The following RARB variants were observed in gnomAD, a reference collection of about 807,000 sequenced individuals.
The protein encoded by RARB is retinoic acid receptor beta.
A neutral mutation model predicts 51.9 loss-of-function variants in RARB; 17 were observed. That is an observed-to-expected ratio of 0.33 (90% CI 0.22 to 0.49). The LOEUF is 0.49. RARB is among the 20% of genes least tolerant of loss of function. The probability of loss-of-function intolerance (pLI) is 0.99; values close to 1 mark genes in which losing one functional copy is unlikely to be tolerated. For missense variants in RARB, 369 were observed against 550.8 expected, an observed-to-expected ratio of 0.67 and a Z score of 3.30; for synonymous variants, 215 against 195.4, an observed-to-expected ratio of 1.10 and a Z score of -0.84.
At chr3:25,047,339 C>T (rs1253284604) in intron 2 of RARB, among the ~76,000 whole-genome samples, 1 of 152,038 alleles carries the variant, frequency 6.6e-6, no homozygotes, top group Non-Finnish European at 1.5e-5. Context: ...TCCTAAGAGG[C>T]CCTTTTGGAA....
intron 2 of RARB, among the ~76,000 whole-genome samples, chr3:24,973,008 T>G (rs532813328): frequency 6.6e-6 from 1 of 152,090 alleles, no homozygotes; most frequent in Non-Finnish European, 1.5e-5. Context: ...TTTTTTGCTT[T>G]TGTTGCCTGT....
chr3:25,362,096 A>G (rs996437717), intron 5 of RARB, among the ~76,000 whole-genome samples: 1 of 152,110 alleles, frequency 6.6e-6, no homozygotes, highest in Non-Finnish European at 1.5e-5. Context: ...CCCTTCCTCT[A>G]GGTGCTGTGT....
chr3:25,177,852 A>T (rs1242475663), intron 5 of RARB, among the ~76,000 whole-genome samples: 2 of 152,158 alleles, frequency 1.3e-5, no homozygotes, highest in Non-Finnish European at 2.9e-5. Context: ...TCAACTATAA[A>T]ATATTTTTAC....
rs190096501 is a variant in RARB at position 25,596,273 on chromosome 3, A to G, written c.1151-147A>G. On this transcript the variant is annotated intron_variant, in intron 7 of 7. Transcript: ENST00000330688. ...AGTAATCGATAGATCTTTTTCAACA[A>G]AAAGCCACCTGATATCTACATTTCA... 8.3e-4 allele frequency: 517 copies of G among 626,280 alleles called. 3 individuals carry two copies. Among genetic ancestry groups the G allele is most frequent in the South Asian group, 1.8e-3 (70 of 38,032 alleles). The allele number at this position is 626,280 out of a possible 1,614,324, so 38.8% of individuals were successfully genotyped here.
intron 3 of RARB, among the ~76,000 whole-genome samples, chr3:25,509,656 G>C (rs1697791599): frequency 6.6e-6 from 1 of 152,128 alleles, no homozygotes; most frequent in Non-Finnish European, 1.5e-5. Flanking sequence ...CAGAGAATGG[G>C]AGAGTATCCT....
intron 1 of RARB, among the ~76,000 whole-genome samples, chr3:24,832,358 A>G (rs563843869): frequency 4.7e-4 from 72 of 152,178 alleles, no homozygotes; most frequent in African/African-American, 1.4e-3. Context: ...AATAGATTCC[A>G]TGTGAGAATA....
chr3:24,941,316 G>T (rs556883987), intron 2 of RARB, among the ~76,000 whole-genome samples: 1 of 151,894 alleles, frequency 6.6e-6, no homozygotes, highest in South Asian at 2.1e-4. Context: ...TTCAAAAAAC[G>T]TAATTCTTAA....
intron 2 of RARB, among the ~76,000 whole-genome samples, chr3:24,899,955 C>T (rs1471446062): frequency 5.3e-5 from 8 of 151,796 alleles, no homozygotes; most frequent in African/African-American, 1.9e-4. Flanking sequence ...GTGATTACAT[C>T]ATTGGCACAT....
intron 1 of RARB, among the ~76,000 whole-genome samples, chr3:25,443,706 C>G (rs1157484111): frequency 6.6e-6 from 1 of 151,732 alleles, no homozygotes; most frequent in Non-Finnish European, 1.5e-5. Flanking sequence ...CTAAGGTGGG[C>G]AGATCACCTG....
In RARB at chr3:25,149,967, C is replaced by T. The variant is rs532134994; in HGVS notation, c.-280+17759C>T. 3.3e-5 allele frequency among the ~76,000 whole-genome samples: 5 copies of T among 152,070 alleles called. No homozygotes were observed. The South Asian group carries it at 6.3e-4, about 19-fold the overall frequency. On this transcript the variant is annotated intron_variant, in intron 4 of 11. Transcript: ENST00000383772. ...CTGTAATCCCAGCACTTTGAGAGGC[C>T]GAGGTAGGTGGATCACCTGAGGTCA... is the stretch of plus-strand genomic sequence containing the variant.
intron 5 of RARB, among the ~76,000 whole-genome samples, chr3:25,187,582 TA>T (rs1292988526): frequency 6.6e-6 from 1 of 152,086 alleles, no homozygotes; most frequent in Non-Finnish European, 1.5e-5. Flanking sequence ...GGCAAATGGC[TA>T]ATAAAAATAC....
intron 2 of RARB, among the ~76,000 whole-genome samples, chr3:24,874,501 C>G (rs746622798): frequency 2.6e-4 from 39 of 151,964 alleles, no homozygotes; most frequent in African/African-American, 9.2e-4. Flanking sequence ...GATAAGTTTA[C>G]GTACAGCTTG....
At chr3:25,008,689 G>A (rs769068042) in intron 2 of RARB, among the ~76,000 whole-genome samples, 2 of 152,002 alleles carry the variant, frequency 1.3e-5, no homozygotes, top group Non-Finnish European at 2.9e-5. Flanking sequence ...TCAAGACCTT[G>A]TCAGCAAAAA....
chr3:25,073,000 A>G (rs536822352), intron 3 of RARB, among the ~76,000 whole-genome samples: 1 of 152,142 alleles, frequency 6.6e-6, no homozygotes, highest in African/African-American at 2.4e-5. Flanking sequence ...GCCCGGCCGG[A>G]GGGTTTCATT....
intron 2 of RARB, among the ~76,000 whole-genome samples, chr3:25,466,674 C>G (rs138478474): frequency 1.3e-5 from 2 of 152,286 alleles, no homozygotes; most frequent in East Asian, 3.9e-4. Context: ...CTCCATGGAG[C>G]CTCCCTGGAT....
intron 5 of RARB, among the ~76,000 whole-genome samples, chr3:25,279,858 C>G (rs1466580336): frequency 1.3e-5 from 2 of 151,914 alleles, no homozygotes; most frequent in Non-Finnish European, 2.9e-5. Flanking sequence ...GTCAGTGGTA[C>G]TTTAGGAAAG....
At chr3:25,293,963 A>G (rs982567944) in intron 5 of RARB, among the ~76,000 whole-genome samples, 4 of 152,134 alleles carry the variant, frequency 2.6e-5, no homozygotes, top group African/African-American at 4.8e-5. Context: ...ATTTGTTCTA[A>G]GGGCTTTGTT....
chr3:24,972,603 C>T (rs887319668), intron 2 of RARB, among the ~76,000 whole-genome samples: 2 of 152,112 alleles, frequency 1.3e-5, no homozygotes, highest in African/African-American at 4.8e-5. Context: ...TACATTCCCA[C>T]CAGCAGTGGT....
intron 5 of RARB, among the ~76,000 whole-genome samples, chr3:25,397,043 A>G (rs1381534794): frequency 6.6e-6 from 1 of 152,076 alleles, no homozygotes; most frequent in Admixed American, 6.6e-5. Context: ...TGCACTTCCC[A>G]TTCACTGCCC....
Sources: allele counts gnomAD v4.1 joint callset (sites outside exome capture counted in the v4.1 genomes callset), GRCh38; gene constraint gnomAD v4.1.1; transcripts MANE v1.5; gene names NCBI Gene and HGNC (gene_info 2026-07-23, HGNC 2026-07-21).